RPH3A: variants seen among roughly 807,000 people sequenced by gnomAD.
RPH3A encodes rabphilin 3A.
A neutral mutation model predicts 102.2 loss-of-function variants in RPH3A; 48 were observed. That is an observed-to-expected ratio of 0.47 (90% CI 0.37 to 0.60). The LOEUF (loss-of-function observed/expected upper bound fraction) is 0.60, where lower values mean the gene tolerates loss of function less well. RPH3A is among the 20% of genes least tolerant of loss of function. The pLI, the probability that RPH3A is intolerant of heterozygous loss-of-function variation, is 0.00. For missense variants in RPH3A, 781 were observed against 910.1 expected, an observed-to-expected ratio of 0.86 and a Z score of 1.83; for synonymous variants, 310 against 324.3, an observed-to-expected ratio of 0.96 and a Z score of 0.47.
chr12:112,788,925 G>T (rs1249464972), upstream of RPH3A, among the ~76,000 whole-genome samples: 1 of 152,134 alleles, frequency 6.6e-6, no homozygotes, highest in African/African-American at 2.4e-5. Context: ...TTGGGAGGTC[G>T]ACGTGGGCAG....
At chr12:112,874,323 A>G (rs2042758139) in intron 10 of RPH3A, among the ~76,000 whole-genome samples, 1 of 152,232 alleles carries the variant, frequency 6.6e-6, no homozygotes, top group Admixed American at 6.5e-5. Flanking sequence ...CTGGCTCTGC[A>G]GTAACCAGCC....
At chr12:112,617,144 C>T (rs866341432) in intron 1 of RPH3A, among the ~76,000 whole-genome samples, 2 of 152,164 alleles carry the variant, frequency 1.3e-5, no homozygotes, top group African/African-American at 4.8e-5. Context: ...TCTCTGCTCC[C>T]GGTTTGTCCC....
chr12:112,839,547 T>C (rs559871861), intron 4 of RPH3A, among the ~76,000 whole-genome samples: 1 of 152,286 alleles, frequency 6.6e-6, no homozygotes, highest in South Asian at 2.1e-4. Flanking sequence ...TATCCTGGGT[T>C]TTCTCATGGT....
chr12:112,613,777 G>C (rs564604732), intron 1 of RPH3A, among the ~76,000 whole-genome samples: 1 of 152,208 alleles, frequency 6.6e-6, no homozygotes, highest in Admixed American at 6.5e-5. Context: ...GCAAGACCCT[G>C]CCTCTGCAAA....
chr12:112,768,940 C>CA (rs1279392047), intron 1 of RPH3A, among the ~76,000 whole-genome samples: 1 of 151,896 alleles, frequency 6.6e-6, no homozygotes, highest in South Asian at 2.1e-4. Flanking sequence ...ATATGAAAAA[C>CA]AAAAAAACCT....
intron 2 of RPH3A, among the ~76,000 whole-genome samples, chr12:112,826,027 C>T (rs1000710309): frequency 6.6e-6 from 1 of 152,138 alleles, no homozygotes; most frequent in Non-Finnish European, 1.5e-5. Flanking sequence ...GTGTGTTGCA[C>T]CCATCAGCTC....
At chr12:112,615,688 G>A (rs569302837) in intron 1 of RPH3A, among the ~76,000 whole-genome samples, 23 of 152,188 alleles carry the variant, frequency 1.5e-4, no homozygotes, top group South Asian at 6.2e-4. Flanking sequence ...CTTGACGACC[G>A]TGTCCAAGGA....
chr12:112,607,814 C>T (rs1361932614), intron 1 of RPH3A, among the ~76,000 whole-genome samples: 1 of 152,160 alleles, frequency 6.6e-6, no homozygotes, highest in African/African-American at 2.4e-5. Context: ...TGATTTTAGC[C>T]TGGCCTCTTG....
At chr12:112,655,032 C>T (rs2040000710) in intron 1 of RPH3A, among the ~76,000 whole-genome samples, 1 of 152,224 alleles carries the variant, frequency 6.6e-6, no homozygotes, top group Non-Finnish European at 1.5e-5. Context: ...TCTTATTCCT[C>T]CTCCACTCCT....
chr12:112,796,640 C>A (rs1396203695), intron 2 of RPH3A, among the ~76,000 whole-genome samples: 1 of 152,222 alleles, frequency 6.6e-6, no homozygotes, highest in African/African-American at 2.4e-5. Context: ...TTGCTACAGG[C>A]AAAGGACAGG....
At chr12:112,855,469 G>A (rs968950730) in intron 5 of RPH3A, among the ~76,000 whole-genome samples, 3 of 152,112 alleles carry the variant, frequency 2.0e-5, no homozygotes, top group African/African-American at 7.2e-5. Context: ...CCTCGTCTCC[G>A]ACTCTGAACC....
At chr12:112,837,941 AC>A in intron 4 of RPH3A, 1 of 405,540 alleles carries the variant, frequency 2.5e-6, no homozygotes, top group South Asian at 1.8e-5. Context: ...ATAAACACTT[AC>A]CCCAAGTACC....
chr12:112,834,387 G>A (rs1349095815), intron 3 of RPH3A, among the ~76,000 whole-genome samples: 1 of 152,148 alleles, frequency 6.6e-6, no homozygotes, highest in East Asian at 1.9e-4. Flanking sequence ...ATCCGTTGAT[G>A]GACCATGGGT....
intron 2 of RPH3A, among the ~76,000 whole-genome samples, chr12:112,815,042 C>T (rs1273201416): frequency 1.3e-5 from 2 of 152,118 alleles, no homozygotes; most frequent in African/African-American, 4.8e-5. Flanking sequence ...ATGGAGAGGT[C>T]CTCCTGACAA....
chr12:112,758,092 A>T (rs1040298620), intron 1 of RPH3A, among the ~76,000 whole-genome samples: 1 of 152,200 alleles, frequency 6.6e-6, no homozygotes, highest in Non-Finnish European at 1.5e-5. Context: ...CCACCAAGGC[A>T]TGAAGTACTG....
intron 4 of RPH3A, chr12:112,837,795 G>A (rs1419493882): frequency 2.2e-6 from 1 of 455,934 alleles, no homozygotes; most frequent in Admixed American, 2.3e-5. Flanking sequence ...CTTCATGAAT[G>A]CTGCAGGTTG....
chr12:112,821,414 C>T (rs1244476591), intron 2 of RPH3A, among the ~76,000 whole-genome samples: 1 of 152,160 alleles, frequency 6.6e-6, no homozygotes, highest in Non-Finnish European at 1.5e-5. Flanking sequence ...CACCCACCCC[C>T]ACCACCACCA....
chr12:112,890,111 T>A, intron 18 of RPH3A, 31 bp downstream of exon 18: 1 of 1,599,958 alleles, frequency 6.3e-7, no homozygotes, highest in African/African-American at 1.3e-5. Flanking sequence ...GAAGCCACAG[T>A]CAGGGTCTGT....
chr12:112,804,532 G>A (rs2041420167), intron 2 of RPH3A, among the ~76,000 whole-genome samples: 1 of 152,226 alleles, frequency 6.6e-6, no homozygotes, highest in South Asian at 2.1e-4. Context: ...TGAAGCCTGG[G>A]ATGTATGTGT....
Sources: allele counts gnomAD v4.1 joint callset (sites outside exome capture counted in the v4.1 genomes callset), GRCh38; gene constraint gnomAD v4.1.1; transcripts MANE v1.5; gene names NCBI Gene and HGNC (gene_info 2026-07-23, HGNC 2026-07-21).